The following BIRC3 variants were observed in gnomAD, a reference collection of about 807,000 sequenced individuals.
The protein encoded by BIRC3 is baculoviral IAP repeat containing 3.
A neutral mutation model predicts 59.0 loss-of-function variants in BIRC3; 26 were observed. That is an observed-to-expected ratio of 0.44 (90% CI 0.32 to 0.61). BIRC3 has a LOEUF of 0.61. Among genes scored for constraint, BIRC3 ranks in the 20% least tolerant of loss-of-function variants. The pLI, the probability that BIRC3 is intolerant of heterozygous loss-of-function variation, is 0.04. For synonymous variants in BIRC3, 243 were observed against 249.2 expected (o/e 0.98, Z 0.24); for missense variants, 641 against 711.5 (o/e 0.90, Z 1.13).
chr11:102,318,859 T>G (rs1394697412), intron 1 of BIRC3, among the ~76,000 whole-genome samples: 1 of 152,042 alleles, frequency 6.6e-6, no homozygotes, highest in Non-Finnish European at 1.5e-5. Context: ...TTTCCATTGG[T>G]TTTAGCAAAA....
chr11:102,326,602 C>T (rs1591521298), intron 3 of BIRC3: 1 of 386,684 alleles, frequency 2.6e-6, no homozygotes, highest in South Asian at 1.9e-5. Context: ...TTCCCATTTG[C>T]CCTGAGAATA....
Position 102,337,935 on chromosome 11 carries a change from C to A in BIRC3, c.*833C>A. ...TGCCTGAGACAAGAATCAAACAGTC[C>A]CTTTAGTAAGTTTGTTTATTCACTT... On this transcript the variant is annotated 3_prime_UTR_variant, in exon 9 of 9. Coordinates refer to ENST00000263464, the MANE Select transcript of BIRC3 (RefSeq NM_001165.5). 4.4e-6 allele frequency: 1 copy of A among 226,840 alleles called. No homozygotes were observed. The highest frequency in any genetic ancestry group is 8.8e-6 in the Non-Finnish European group (1 of 114,066). The allele number at this position is 226,840 out of a possible 1,614,324, so 14.1% of individuals were successfully genotyped here.
intron 6 of BIRC3, among the ~76,000 whole-genome samples, chr11:102,332,844 T>A (rs565684908): frequency 1.1e-4 from 17 of 152,152 alleles, no homozygotes; most frequent in Non-Finnish European, 2.2e-4. Flanking sequence ...TCAAATTCTC[T>A]TTTCTCTGTG....
At chr11:102,336,460 G>A in intron 7 of BIRC3, 1 of 564,966 alleles carries the variant, frequency 1.8e-6, no homozygotes, top group Non-Finnish European at 3.0e-6. Context: ...ATTTGTGATG[G>A]TGTATGCCTG....
Position 102,331,056 on chromosome 11 carries a change from C to T in BIRC3, c.1139C>T (p.Pro380Leu). The change falls in exon 6 of 9, where the codon CCT (proline) becomes CTT (leucine). Residue 380 changes from proline to leucine, a missense_variant. Around this residue, in one of 4 missense-constraint regions of BIRC3, gnomAD observed 268 missense variants for 255.7 expected, o/e 1.05. Coordinates refer to ENST00000263464, the MANE Select transcript of BIRC3 (RefSeq NM_001165.5). Reference sequence around the variant, plus strand: ...GAAGATGCAATCATGATGAATACTCCTGTGATTAATGCTGCCGTGGAAATG... The same window carrying T: ...GAAGATGCAATCATGATGAATACTCTTGTGATTAATGCTGCCGTGGAAATG... ...HSEDAIMMNT[P>L]VINAAVEMGF... The T allele has an allele frequency of 6.2e-7, 1 of 1,613,780 alleles. No individual in the cohort carries two copies. The highest frequency in any genetic ancestry group is 1.1e-5 in the South Asian group (1 of 91,068).
intron 1 of BIRC3, among the ~76,000 whole-genome samples, chr11:102,321,379 G>C (rs931817790): frequency 1.3e-5 from 2 of 151,872 alleles, no homozygotes; most frequent in African/African-American, 2.4e-5. Context: ...TTTTGAGACA[G>C]AGTCTTGCTG....
At chr11:102,329,514 A>C (rs1334921459) in intron 5 of BIRC3, among the ~76,000 whole-genome samples, 1 of 152,226 alleles carries the variant, frequency 6.6e-6, no homozygotes, top group Middle Eastern at 3.2e-3. Flanking sequence ...TGAGGAAAGC[A>C]TAGAGAACAG....
rs1329232897 is a variant in BIRC3 at position 102,337,003 on chromosome 11, T to C, written c.1716T>C (p.Cys572=). 4 of 1,605,272 alleles carry C rather than the reference T, an allele frequency of 2.5e-6. No homozygotes were observed. Among genetic ancestry groups the C allele is most frequent in the Non-Finnish European group, 2.5e-6 (3 of 1,178,150 alleles). ...AAGTGTCCATAGTGTTTATTCCTTG[T>C]GGTCATCTAGTAGTATGCAAAGATT... ...DKEVSIVFIP[C]GHLVVCKDCA... is the part of the protein sequence containing the mutation. The change falls in exon 9 of 9, where the codon TGT becomes TGC. Residue 572 remains cysteine (C), a synonymous_variant. Transcript: ENST00000263464.
Position 102,336,986 on chromosome 11 carries a change from A to G in BIRC3, c.1699A>G (p.Ile567Val), listed in dbSNP as rs1157973692. The change falls in exon 9 of 9, where the codon ATA becomes GTA. Residue 567 changes from isoleucine (I) to valine (V), a missense_variant. Around this residue, in one of 4 missense-constraint regions of BIRC3, gnomAD observed 41 missense variants for 73.4 expected, o/e 0.56. Coordinates refer to ENST00000263464, the MANE Select transcript of BIRC3 (RefSeq NM_001165.5). ...AGTGTGTATGGACAAAGAAGTGTCC[A>G]TAGTGTTTATTCCTTGTGGTCATCT... ...CKVCMDKEVS[I>V]VFIPCGHLVV... The G allele has an allele frequency of 1.4e-5, 23 of 1,603,876 alleles. No homozygotes were observed. The highest frequency in any genetic ancestry group is 1.8e-5 in the Non-Finnish European group (21 of 1,177,862).
Position 102,339,213 on chromosome 11 carries a change from T to G in BIRC3, c.*2111T>G, listed in dbSNP as rs542171557. The G allele has an allele frequency of 3.5e-5, 7 of 197,270 alleles. No individual in the cohort carries two copies. The highest frequency in any genetic ancestry group is 2.4e-4 in the Admixed American group (4 of 16,460). The allele number at this position is 197,270 out of a possible 1,614,324, so 12.2% of individuals were successfully genotyped here. On this transcript the variant is annotated 3_prime_UTR_variant, in exon 9 of 9. Transcript: ENST00000263464. ...AGGCACCCTTTTTGCACCATGTGTTTTTTTTTTTATCTAGTTCTTGTATAC... is the reference window on the plus strand; with the variant it reads ...AGGCACCCTTTTTGCACCATGTGTTGTTTTTTTTATCTAGTTCTTGTATAC...
At chr11:102,320,860 AG>A (rs2135781416) in intron 1 of BIRC3, among the ~76,000 whole-genome samples, 1 of 152,360 alleles carries the variant, frequency 6.6e-6, no homozygotes, top group East Asian at 1.9e-4. Context: ...TCCCAGTGTC[AG>A]GGAATCAAAG....
intron 5 of BIRC3, among the ~76,000 whole-genome samples, chr11:102,330,227 C>T (rs1237174915): frequency 2.0e-5 from 3 of 152,042 alleles, no homozygotes; most frequent in Non-Finnish European, 4.4e-5. Flanking sequence ...TATGAAAGAC[C>T]GAAGTGACAA....
At chr11:102,318,583 A>G (rs1950997932) in intron 1 of BIRC3, among the ~76,000 whole-genome samples, 1 of 152,204 alleles carries the variant, frequency 6.6e-6, no homozygotes, top group Admixed American at 6.5e-5. Context: ...GGGAGGCAGA[A>G]AGAAAAGGCA....
At chr11:102,335,428 A>G (rs1951185573) in intron 6 of BIRC3, among the ~76,000 whole-genome samples, 1 of 152,200 alleles carries the variant, frequency 6.6e-6, no homozygotes, top group Non-Finnish European at 1.5e-5. Context: ...TTGAAAGCAC[A>G]GTACATGACA....
At position 102,329,510 on chromosome 11, in the gene BIRC3, A is replaced by G. The variant is rs549757586; in HGVS notation, c.1081+565A>G. ...TATTGTATATCGCCTGTTCTGAGGA[A>G]AGCATAGAGAACAGGATAGAGCCAA... On this transcript the variant is annotated intron_variant, in intron 5 of 8. Coordinates refer to ENST00000263464, the MANE Select transcript of BIRC3 (RefSeq NM_001165.5). 5.3e-5 allele frequency among the ~76,000 whole-genome samples: 8 copies of G among 152,306 alleles called. No homozygotes were observed. The South Asian group carries it at 1.5e-3, about 28-fold the overall frequency.
intron 5 of BIRC3, 79 bp downstream of exon 5, chr11:102,329,024 T>G: frequency 4.9e-6 from 4 of 820,482 alleles, no homozygotes; most frequent in Non-Finnish European, 7.5e-6. Flanking sequence ...ATAATAGTAA[T>G]GTACCTGTAT....
chr11:102,334,099 A>G (rs1363648596), intron 6 of BIRC3, among the ~76,000 whole-genome samples: 1 of 152,236 alleles, frequency 6.6e-6, no homozygotes, highest in Non-Finnish European at 1.5e-5. Context: ...AACTTCAGAG[A>G]ATGCATTATA....
At chr11:102,319,240 G>T (rs1358718943) in intron 1 of BIRC3, among the ~76,000 whole-genome samples, 2 of 151,840 alleles carry the variant, frequency 1.3e-5, no homozygotes, top group African/African-American at 4.8e-5. Context: ...TAGAGACGGG[G>T]TTTCACCGTG....
intron 3 of BIRC3, among the ~76,000 whole-genome samples, chr11:102,327,681 T>G (rs1283282368): frequency 6.6e-6 from 1 of 151,570 alleles, no homozygotes; most frequent in Non-Finnish European, 1.5e-5. Flanking sequence ...TCTTGGCAAA[T>G]ATAAAAATAT....
Sources: gnomAD v4.1 joint callset for allele counts (sites outside exome capture counted in the v4.1 genomes callset) on GRCh38, gnomAD v4.1.1 for gene constraint, gnomAD v4.1.1 regional missense constraint, MANE v1.5 for transcripts, NCBI Gene and HGNC (gene_info 2026-07-23, HGNC 2026-07-21) for gene names.